Variants in FARP1 observed in about 807,000 individuals in gnomAD.
The protein encoded by FARP1 is FERM, ARH/RhoGEF and pleckstrin domain protein 1.
In FARP1, 52 loss-of-function variants were observed where a neutral mutation model predicts 128.8. That is an observed-to-expected ratio of 0.40 (90% CI 0.32 to 0.51). The LOEUF (loss-of-function observed/expected upper bound fraction) is 0.51. Ranked by LOEUF, FARP1 falls within the 20% of genes least tolerant of loss-of-function variation. The probability of loss-of-function intolerance (pLI) is 0.45; values close to 1 mark genes in which losing one functional copy is unlikely to be tolerated. For synonymous variants in FARP1, 580 were observed against 551.8 expected, an observed-to-expected ratio of 1.05 and a Z score of -0.72; for missense variants, 1,333 against 1,367.9, an observed-to-expected ratio of 0.97 and a Z score of 0.40.
chr13:98,452,693 T>C lies in FARP1; in HGVS notation c.*4376T>C, dbSNP rs182464731. On this transcript the variant is annotated 3_prime_UTR_variant, in exon 27 of 27. Transcript: ENST00000319562. ...CACTTGGCCAGTTTGTACACAGTGATTCCTTATGCACGCCGAAAGGGTTTC... is the reference window on the plus strand; with the variant it reads ...CACTTGGCCAGTTTGTACACAGTGACTCCTTATGCACGCCGAAAGGGTTTC... 4.5e-5 allele frequency: 7 copies of C among 155,006 alleles called. No homozygotes were observed. The highest frequency in any genetic ancestry group is 4.5e-4 in the Admixed American group (7 of 15,604). The allele number at this position is 155,006 out of a possible 1,614,324, so 9.6% of individuals were successfully genotyped here.
intron 3 of FARP1, among the ~76,000 whole-genome samples, chr13:98,361,105 TC>T (rs951040210): frequency 1.3e-5 from 2 of 152,206 alleles, no homozygotes; most frequent in Non-Finnish European, 2.9e-5. Flanking sequence ...AGTGGCAACC[TC>T]TTTTTTCTTT....
At chr13:98,252,011 T>C (rs7331713) in intron 2 of FARP1, among the ~76,000 whole-genome samples, 136,192 of 152,058 alleles carry the variant, frequency 0.9, 61,149 homozygotes, top group African/African-American at 0.96. Context: ...CCATGCCCGG[T>C]TATTTTTTGT....
At chr13:98,148,195 A>G (rs1411220489) in intron 1 of FARP1, among the ~76,000 whole-genome samples, 1 of 152,178 alleles carries the variant, frequency 6.6e-6, no homozygotes, top group Non-Finnish European at 1.5e-5. Context: ...CCTGACCAAC[A>G]TGGAGAAACC....
intron 1 of FARP1, among the ~76,000 whole-genome samples, chr13:98,146,955 T>C (rs1875613229): frequency 6.6e-6 from 1 of 152,224 alleles, no homozygotes; most frequent in Non-Finnish European, 1.5e-5. Flanking sequence ...CATGGCAACT[T>C]AGGTAGGCTG....
Position 98,289,271 on chromosome 13 carries a change from T to C in FARP1, c.172-54491T>C, listed in dbSNP as rs189472929. Among the ~76,000 whole-genome samples the C allele has an allele frequency of 2.8e-3, 423 of 152,316 alleles. 5 individuals are homozygous for C. Among genetic ancestry groups the C allele is most frequent in the African/African-American group, 9.8e-3 (408 of 41,570 alleles). On this transcript the variant is annotated intron_variant, in intron 2 of 26. Transcript: ENST00000319562. ...AAAGAAACAATTAATGTTAATGTTA[T>C]TGTACTTTGGCTAATGCAGAGTCTC...
chr13:98,145,014 C>T (rs1796585852), intron 1 of FARP1, among the ~76,000 whole-genome samples: 1 of 152,188 alleles, frequency 6.6e-6, no homozygotes, highest in South Asian at 2.1e-4. Flanking sequence ...ATTGGAGTTA[C>T]TCCAAGCACA....
intron 2 of FARP1, among the ~76,000 whole-genome samples, chr13:98,308,766 T>C (rs1293690680): frequency 6.6e-6 from 1 of 152,078 alleles, no homozygotes; most frequent in Non-Finnish European, 1.5e-5. Context: ...CCTCCTGGGT[T>C]CAAGTGATCC....
At chr13:98,345,873 A>G (rs1316728179) in intron 3 of FARP1, among the ~76,000 whole-genome samples, 1 of 152,242 alleles carries the variant, frequency 6.6e-6, no homozygotes, top group Admixed American at 6.5e-5. Context: ...TTCCAGCAGA[A>G]CTTCATATAA....
Position 98,408,943 on chromosome 13 carries a change from T to G in FARP1, c.1415-395T>G, listed in dbSNP as rs568548467. On this transcript the variant is annotated intron_variant, in intron 13 of 26. Coordinates refer to ENST00000319562, the MANE Select transcript of FARP1 (RefSeq NM_005766.4). ...CAGCAGTTGCTTAGATGCCTGTTAG[T>G]ATAGTTGTATTTTCTAATCATTTCC... is the stretch of plus-strand genomic sequence containing the variant. Among the ~76,000 whole-genome samples, 6 of 152,284 alleles carry G rather than the reference T, an allele frequency of 3.9e-5. No individual in the cohort carries two copies. In the East Asian group the frequency reaches 1.2e-3, roughly 29 times the overall value.
chr13:98,348,229 C>T (rs1302341316), intron 3 of FARP1, among the ~76,000 whole-genome samples: 1 of 152,214 alleles, frequency 6.6e-6, no homozygotes, highest in Non-Finnish European at 1.5e-5. Flanking sequence ...CCTGCTCTTG[C>T]CCTTGGCTCT....
In FARP1 at chr13:98,169,251, C is replaced by T. The variant is rs191454324; in HGVS notation, c.-24+25759C>T. ...CTATCTGAATGGGTTGTACTCTAGGCGTAGTTCACAACCATCATTCAGGGG... is the reference window on the plus strand; with the variant it reads ...CTATCTGAATGGGTTGTACTCTAGGTGTAGTTCACAACCATCATTCAGGGG... On this transcript the variant is annotated intron_variant, in intron 1 of 26. Transcript: ENST00000319562. Among the ~76,000 whole-genome samples the T allele has an allele frequency of 2.2e-3, 328 of 152,254 alleles. 2 individuals carry two copies. The highest frequency in any genetic ancestry group is 3.5e-3 in the Non-Finnish European group (237 of 68,022).
At chr13:98,338,868 A>G (rs1566895027) in intron 2 of FARP1, 2 of 152,224 alleles carry the variant, frequency 1.3e-5, no homozygotes, top group African/African-American at 2.4e-5. Context: ...TAAATTTACT[A>G]TAGGAACAAA....
At chr13:98,419,979 G>T (rs1743682516) in intron 16 of FARP1, among the ~76,000 whole-genome samples, 1 of 152,088 alleles carries the variant, frequency 6.6e-6, no homozygotes, top group Admixed American at 6.6e-5. Flanking sequence ...CTCTTTCATG[G>T]TTAAGGAATC....
chr13:98,277,146 A>ACACACACACACACACACACC (rs1230875597), intron 2 of FARP1, among the ~76,000 whole-genome samples: 4 of 139,890 alleles, frequency 2.9e-5, no homozygotes, highest in Non-Finnish European at 6.3e-5. Context: ...ACACACACAC[A>ACACACACACACACACACACC]CACCCCATAT....
In FARP1 at chr13:98,453,270, T is replaced by C. The variant is rs1451523672; in HGVS notation, c.*4953T>C. ...TCATTTCTCATCCCTGTGCAAAAAT[T>C]CATATAGTAACCAAAATCTTAGTTT... On this transcript the variant is annotated 3_prime_UTR_variant, in exon 27 of 27. Transcript: ENST00000319562. 7.2e-6 allele frequency: 11 copies of C among 1,538,412 alleles called. No individual in the cohort carries two copies. The Admixed American group carries it at 2.0e-4, about 28-fold the overall frequency.
chr13:98,278,155 G>A (rs1380223176), intron 2 of FARP1, among the ~76,000 whole-genome samples: 1 of 147,820 alleles, frequency 6.8e-6, no homozygotes, highest in Non-Finnish European at 1.5e-5. Context: ...TATCCAGGGT[G>A]TGTGTATGAG....
At chr13:98,161,012 T>G (rs1157750128) in intron 1 of FARP1, among the ~76,000 whole-genome samples, 1 of 152,086 alleles carries the variant, frequency 6.6e-6, no homozygotes. Flanking sequence ...TGATGGACTT[T>G]ATTATTCATA....
At chr13:98,396,722 G>C in intron 13 of FARP1, 2 of 376,202 alleles carry the variant, frequency 5.3e-6, no homozygotes, top group Non-Finnish European at 9.4e-6. Context: ...TAAACAGCAA[G>C]TCCTAATGAC....
intron 3 of FARP1, among the ~76,000 whole-genome samples, chr13:98,358,172 T>C (rs985606711): frequency 1.6e-4 from 24 of 151,822 alleles, no homozygotes; most frequent in African/African-American, 5.8e-4. Context: ...TACTCCCTGG[T>C]ACTCTGTCCT....
Sources: gnomAD v4.1 joint callset for allele counts (sites outside exome capture counted in the v4.1 genomes callset) on GRCh38, gnomAD v4.1.1 for gene constraint, MANE v1.5 for transcripts, NCBI Gene and HGNC (gene_info 2026-07-23, HGNC 2026-07-21) for gene names.